The following TYW1B variants were observed in gnomAD, a reference collection of about 807,000 sequenced individuals.
TYW1B encodes tRNA-yW synthesizing protein 1 homolog B, also known as S-adenosyl-L-methionine-dependent tRNA 4-demethylwyosine synthase TYW1B.
TYW1B carries 73 observed loss-of-function variants against 86.9 expected under a neutral mutation model. The ratio of observed to expected loss-of-function variants is 0.84; its 90% confidence interval spans 0.70 to 1.02. The LOEUF is 1.02. TYW1B is among the 50% of genes least tolerant of loss of function. TYW1B has a pLI of 0.00. For missense variants in TYW1B, 637 were observed against 827.4 expected (o/e 0.77, Z 2.82); for synonymous variants, 248 against 292.8 (o/e 0.85, Z 1.56).
At chr7:72,621,625 A>G (rs1326642236) in intron 12 of TYW1B, among the ~76,000 whole-genome samples, 1 of 152,216 alleles carries the variant, frequency 6.6e-6, no homozygotes, top group Non-Finnish European at 1.5e-5. Flanking sequence ...ATCTGTTACC[A>G]GGTAACTGGT....
At chr7:72,649,781 T>C (rs1813016681) in intron 11 of TYW1B, among the ~76,000 whole-genome samples, 1 of 152,214 alleles carries the variant, frequency 6.6e-6, no homozygotes, top group South Asian at 2.1e-4. Context: ...TCTCCAGAAA[T>C]ATTACTTGTA....
chr7:72,754,706 G>A (rs375857582), intron 7 of TYW1B, among the ~76,000 whole-genome samples: 10 of 152,110 alleles, frequency 6.6e-5, no homozygotes, highest in South Asian at 2.1e-4. Flanking sequence ...CCCAAGTGCT[G>A]GGACTACAGG....
chr7:72,777,699 T>C (rs1787981363), intron 6 of TYW1B, among the ~76,000 whole-genome samples, 166 bp from the exon 7 acceptor site: 1 of 152,118 alleles, frequency 6.6e-6, no homozygotes, highest in South Asian at 2.1e-4. Flanking sequence ...GCGGATCACC[T>C]GAGGTCAGGA....
At chr7:72,723,444 T>C (rs1434232408) in intron 9 of TYW1B, among the ~76,000 whole-genome samples, 1 of 151,882 alleles carries the variant, frequency 6.6e-6, no homozygotes, top group African/African-American at 2.4e-5. Flanking sequence ...AGCCTGAAAT[T>C]TGTATTCCCA....
chr7:72,586,693 T>C (rs1362963954), intron 13 of TYW1B, among the ~76,000 whole-genome samples: 1 of 151,954 alleles, frequency 6.6e-6, no homozygotes, highest in Admixed American at 6.6e-5. Flanking sequence ...GCAGAGATCG[T>C]GCCACTGCAT....
chr7:72,726,013 ACT>A (rs1201509514), intron 9 of TYW1B, among the ~76,000 whole-genome samples: 3 of 152,196 alleles, frequency 2.0e-5, no homozygotes, highest in Admixed American at 2.0e-4. Context: ...CACATAGCTT[ACT>A]TGAAGATCAA....
intron 10 of TYW1B, among the ~76,000 whole-genome samples, chr7:72,712,058 T>G (rs1347846216): frequency 6.6e-6 from 1 of 151,964 alleles, no homozygotes; most frequent in Non-Finnish European, 1.5e-5. Flanking sequence ...AGTCCCAGTA[T>G]GACACAAAAA....
intron 10 of TYW1B, among the ~76,000 whole-genome samples, chr7:72,713,167 G>A (rs1399574080): frequency 1.3e-5 from 2 of 151,402 alleles, no homozygotes; most frequent in Non-Finnish European, 2.9e-5. Context: ...TGGGCATGGT[G>A]CCAGGCACCT....
chr7:72,665,006 T>C (rs1452688767), intron 11 of TYW1B, among the ~76,000 whole-genome samples: 6 of 152,204 alleles, frequency 3.9e-5, no homozygotes, highest in African/African-American at 1.4e-4. Flanking sequence ...TATTGTTGTA[T>C]TGTTATTTTT....
intron 12 of TYW1B, among the ~76,000 whole-genome samples, chr7:72,624,832 T>C (rs375987463): frequency 1.3e-5 from 2 of 151,928 alleles, no homozygotes; most frequent in East Asian, 1.9e-4. Context: ...CCAAGGCGGG[T>C]GGATCACCTG....
intron 11 of TYW1B, among the ~76,000 whole-genome samples, chr7:72,674,273 G>A (rs151069250): frequency 2.9e-4 from 44 of 152,106 alleles, no homozygotes; most frequent in African/African-American, 9.6e-4. Flanking sequence ...AGTCTTTTTC[G>A]GTACCCTAGG....
chr7:72,575,922 G>A (rs1380754429), intron 13 of TYW1B, among the ~76,000 whole-genome samples: 1 of 152,228 alleles, frequency 6.6e-6, no homozygotes, highest in Non-Finnish European at 1.5e-5. Flanking sequence ...TCACAGGAGA[G>A]CTTCCTTTCC....
At chr7:72,681,753 T>C (rs1410355705) in intron 11 of TYW1B, among the ~76,000 whole-genome samples, 3 of 145,344 alleles carry the variant, frequency 2.1e-5, no homozygotes, top group African/African-American at 7.7e-5. Flanking sequence ...GCTCAGCTAA[T>C]TTTTTGTATT....
At chr7:72,583,282 G>A (rs1447670843) in intron 13 of TYW1B, among the ~76,000 whole-genome samples, 1 of 152,174 alleles carries the variant, frequency 6.6e-6, no homozygotes, top group Non-Finnish European at 1.5e-5. Context: ...CCCGGGAGGT[G>A]GAGGTTGCAG....
At chr7:72,756,478 G>T (rs1299535715) in intron 7 of TYW1B, among the ~76,000 whole-genome samples, 1 of 151,758 alleles carries the variant, frequency 6.6e-6, no homozygotes, top group Non-Finnish European at 1.5e-5. Flanking sequence ...CAGGTGATCT[G>T]CCTGCCTCGG....
At position 72,594,527 on chromosome 7, in the gene TYW1B, G is replaced by A. The variant is rs181188653; in HGVS notation, c.1786-18808C>T. Among the ~76,000 whole-genome samples the A allele has an allele frequency of 4.4e-3, 676 of 152,166 alleles. 3 individuals are homozygous for A. The highest frequency in any genetic ancestry group is 0.015 in the African/African-American group (620 of 41,528). ...AATCAGTAATTTAAGATCTCCCTAC[G>A]AAGAAAAGCCCTGGACCTGATGGCT... is the stretch of plus-strand genomic sequence containing the variant. On this transcript the variant is annotated intron_variant, in intron 13 of 13. Coordinates refer to ENST00000620995, the MANE Select transcript of TYW1B (RefSeq NM_001145440.3).
chr7:72,793,292 G>A (rs1245171300), intron 6 of TYW1B, among the ~76,000 whole-genome samples: 9 of 151,082 alleles, frequency 6.0e-5, no homozygotes, highest in Non-Finnish European at 1.5e-5. Context: ...AGCTGAGATC[G>A]CATCACTGCA....
intron 11 of TYW1B, among the ~76,000 whole-genome samples, chr7:72,643,310 G>A (rs563722874): frequency 1.8e-4 from 28 of 152,190 alleles, no homozygotes; most frequent in South Asian, 1.2e-3. Context: ...GAAACAGGCC[G>A]GCCACAGTGC....
chr7:72,816,797 G>A (rs1308475117), intron 2 of TYW1B, among the ~76,000 whole-genome samples: 1 of 152,214 alleles, frequency 6.6e-6, no homozygotes, highest in Admixed American at 6.5e-5. Context: ...TGTTGACTTG[G>A]TGAACATACC....
Sources: allele counts gnomAD v4.1 joint callset (sites outside exome capture counted in the v4.1 genomes callset), GRCh38; gene constraint gnomAD v4.1.1; transcripts MANE v1.5; gene names NCBI Gene and HGNC (gene_info 2026-07-23, HGNC 2026-07-21).